The following DSCAM variants were observed in gnomAD, a reference collection of about 807,000 sequenced individuals.
DSCAM encodes cell adhesion molecule DSCAM.
Under a neutral mutation model 217.7 loss-of-function variants are expected in DSCAM, and 47 were observed. The observed-to-expected ratio is 0.22, with a 90% CI of 0.17 to 0.28. DSCAM has a LOEUF of 0.28. Ranked by LOEUF, DSCAM falls within the 10% of genes least tolerant of loss-of-function variation. The pLI is 1.00. For missense variants in DSCAM, 2,080 were observed against 2,618.3 expected (o/e 0.79, Z 4.49); for synonymous variants, 1,056 against 1,015.3 (o/e 1.04, Z -0.76).
chr21:40,657,222 G>A (rs926365582), intron 3 of DSCAM, among the ~76,000 whole-genome samples: 1 of 152,162 alleles, frequency 6.6e-6, no homozygotes, highest in African/African-American at 2.4e-5. Context: ...GACCTTGTGT[G>A]TGTTGAAGCC....
rs11431306 is a variant in DSCAM at position 40,292,185 on chromosome 21, C to CTTTTT, written c.2182+3865_2182+3869dup. Among the ~76,000 whole-genome samples, 70 of 110,238 alleles carry CTTTTT rather than the reference C, an allele frequency of 6.3e-4. 1 individual carries two copies. Among genetic ancestry groups the CTTTTT allele is most frequent in the African/African-American group, 7.6e-4 (23 of 30,350 alleles). The allele number at this position is 110,238 out of a possible 152,430, so 72.3% of individuals were successfully genotyped here. On this transcript the variant is annotated intron_variant, in intron 10 of 32. Transcript: ENST00000400454. ...AGACCCAAGGTCAAAAATGTAATGACTTTTTTTTTTTTTTTTTTTTTGTAG... is the reference window on the plus strand; with the variant it reads ...AGACCCAAGGTCAAAAATGTAATGACTTTTTTTTTTTTTTTTTTTTTTTTTTGTAG...
intron 11 of DSCAM, among the ~76,000 whole-genome samples, chr21:40,271,375 C>T (rs1350839377): frequency 6.6e-6 from 1 of 152,150 alleles, no homozygotes; most frequent in Non-Finnish European, 1.5e-5. Context: ...TGCAGAGCAG[C>T]TCACAAAAGC....
At chr21:40,517,613 AT>A (rs148402494) in intron 3 of DSCAM, among the ~76,000 whole-genome samples, 11,561 of 152,150 alleles carry the variant, frequency 0.076, 712 homozygotes, top group African/African-American at 0.17. Context: ...CTTAATGTGC[AT>A]TTAGCCCATT....
chr21:40,038,745 T>C (rs1403204266), intron 32 of DSCAM, among the ~76,000 whole-genome samples: 6 of 144,656 alleles, frequency 4.1e-5, no homozygotes, highest in African/African-American at 1.6e-4. Context: ...TTATTCACAA[T>C]AGCAAAGACT....
chr21:40,398,756 T>C (rs1601612945), intron 3 of DSCAM, among the ~76,000 whole-genome samples: 1 of 150,414 alleles, frequency 6.6e-6, no homozygotes, highest in East Asian at 2.0e-4. Flanking sequence ...TGCCTCAACC[T>C]CCCAAGTAGC....
chr21:40,107,834 A>G (rs1191521026), intron 20 of DSCAM, among the ~76,000 whole-genome samples: 1 of 152,184 alleles, frequency 6.6e-6, no homozygotes, highest in Non-Finnish European at 1.5e-5. Flanking sequence ...TTTGTCAGAA[A>G]CTAGGATTGC....
At chr21:40,751,057 C>T (rs2091222518) in intron 1 of DSCAM, among the ~76,000 whole-genome samples, 1 of 152,152 alleles carries the variant, frequency 6.6e-6, no homozygotes. Flanking sequence ...CCCTATCTCC[C>T]CTTCCTGTCC....
At chr21:40,439,213 G>T (rs1209498396) in intron 3 of DSCAM, among the ~76,000 whole-genome samples, 1 of 152,214 alleles carries the variant, frequency 6.6e-6, no homozygotes, top group African/African-American at 2.4e-5. Context: ...AAACAGCTAT[G>T]ATAGGTCTTG....
At chr21:40,407,930 T>G (rs1481425005) in intron 3 of DSCAM, among the ~76,000 whole-genome samples, 1 of 152,220 alleles carries the variant, frequency 6.6e-6, no homozygotes, top group Non-Finnish European at 1.5e-5. Flanking sequence ...GTGAACCAGA[T>G]CCAGAGGAAT....
chr21:40,037,718 A>G (rs2088653399), intron 32 of DSCAM, among the ~76,000 whole-genome samples: 1 of 147,340 alleles, frequency 6.8e-6, no homozygotes, highest in Non-Finnish European at 1.5e-5. Flanking sequence ...AGGCAATCCT[A>G]AGCCAAAAGA....
At chr21:40,661,196 C>A (rs1229358483) in intron 3 of DSCAM, among the ~76,000 whole-genome samples, 1 of 152,126 alleles carries the variant, frequency 6.6e-6, no homozygotes. Flanking sequence ...TTGAAAAATA[C>A]ACTGTGTTAG....
chr21:40,373,472 A>G (rs2074919866), intron 3 of DSCAM, among the ~76,000 whole-genome samples: 1 of 152,282 alleles, frequency 6.6e-6, no homozygotes, highest in African/African-American at 2.4e-5. Context: ...TTGAGGAAAA[A>G]GGATAGAAGG....
chr21:40,591,768 C>T (rs967564634), intron 3 of DSCAM, among the ~76,000 whole-genome samples: 88 of 152,246 alleles, frequency 5.8e-4, no homozygotes, highest in African/African-American at 2.0e-3. Flanking sequence ...TAACCATATG[C>T]CAAGTATACG....
intron 2 of DSCAM, among the ~76,000 whole-genome samples, chr21:40,708,175 G>T (rs1168778820): frequency 6.6e-6 from 1 of 152,114 alleles, no homozygotes; most frequent in African/African-American, 2.4e-5. Context: ...CTGAAAATTT[G>T]AATTAGAGTA....
intron 1 of DSCAM, among the ~76,000 whole-genome samples, chr21:40,764,954 G>T (rs1276531429): frequency 6.6e-6 from 1 of 152,128 alleles, no homozygotes; most frequent in Non-Finnish European, 1.5e-5. Context: ...CTGTCAGGGG[G>T]TGGAGGGCAA....
At chr21:40,337,991 T>C in intron 8 of DSCAM, 110 bp downstream of exon 8, 2 of 1,353,836 alleles carry the variant, frequency 1.5e-6, no homozygotes, top group African/African-American at 2.9e-5. Flanking sequence ...CCTGTACAAT[T>C]ATCCTGCTCT....
chr21:40,347,532 A>T (rs2074571801), intron 6 of DSCAM, 138 bp downstream of exon 6: 6 of 1,173,530 alleles, frequency 5.1e-6, no homozygotes, highest in Non-Finnish European at 7.1e-6. Flanking sequence ...AGCTTGAAAA[A>T]TTAGGGTAGA....
rs537138572 is a variant in DSCAM at position 40,082,417 on chromosome 21, G to C, written c.4231+1491C>G. On this transcript the variant is annotated intron_variant, in intron 24 of 32. Coordinates refer to ENST00000400454, the MANE Select transcript of DSCAM (RefSeq NM_001389.5). ...AGAGGTTGCAGTGAGCCGAGATCGTGCCACTGCACTCCGGCCTGGGCGACA... is the reference window on the plus strand; with the variant it reads ...AGAGGTTGCAGTGAGCCGAGATCGTCCCACTGCACTCCGGCCTGGGCGACA... Among the ~76,000 whole-genome samples the C allele has an allele frequency of 3.3e-5, 5 of 152,308 alleles. No homozygotes were observed. The South Asian group carries it at 8.3e-4, about 25-fold the overall frequency.
chr21:40,464,130 C>T (rs2075826081), intron 3 of DSCAM, among the ~76,000 whole-genome samples: 1 of 152,200 alleles, frequency 6.6e-6, no homozygotes, highest in African/African-American at 2.4e-5. Flanking sequence ...ATTTCTATCT[C>T]CCAAGTCTCT....
Sources: allele counts gnomAD v4.1 joint callset (sites outside exome capture counted in the v4.1 genomes callset), GRCh38; gene constraint gnomAD v4.1.1; transcripts MANE v1.5; gene names NCBI Gene and HGNC (gene_info 2026-07-23, HGNC 2026-07-21).